INPP4B: variants seen among roughly 807,000 people sequenced by gnomAD.
INPP4B encodes the protein inositol polyphosphate-4-phosphatase type II B, also known as inositol polyphosphate 4-phosphatase type II.
In INPP4B, 55 loss-of-function variants were observed where a neutral mutation model predicts 122.5. The observed-to-expected ratio is 0.45, with a 90% CI of 0.36 to 0.56. The LOEUF (loss-of-function observed/expected upper bound fraction) is 0.56, where lower values mean the gene tolerates loss of function less well. INPP4B is among the 20% of genes least tolerant of loss of function. The pLI is 0.00. For missense variants in INPP4B, 1,000 were observed against 1,097.7 expected (o/e 0.91, Z 1.26); for synonymous variants, 403 against 388.7 (o/e 1.04, Z -0.43).
intron 1 of INPP4B, among the ~76,000 whole-genome samples, chr4:142,822,714 T>C (rs1042488970): frequency 2.0e-5 from 3 of 152,060 alleles, no homozygotes; most frequent in African/African-American, 7.2e-5. Flanking sequence ...CCAGACAAAA[T>C]ATATTGCCTT....
At chr4:142,587,895 T>C (rs1477647991) in intron 2 of INPP4B, among the ~76,000 whole-genome samples, 1 of 151,960 alleles carries the variant, frequency 6.6e-6, no homozygotes, top group African/African-American at 2.4e-5. Flanking sequence ...AGGTAAAGCA[T>C]AGACCAATAT....
At chr4:142,504,506 C>T (rs1823763222) in intron 2 of INPP4B, among the ~76,000 whole-genome samples, 1 of 152,018 alleles carries the variant, frequency 6.6e-6, no homozygotes, top group African/African-American at 2.4e-5. Flanking sequence ...AATAAAAGTC[C>T]TAGTGCATTA....
At chr4:142,588,109 A>G (rs1022495905) in intron 2 of INPP4B, among the ~76,000 whole-genome samples, 7 of 151,920 alleles carry the variant, frequency 4.6e-5, no homozygotes, top group African/African-American at 1.7e-4. Context: ...TATAAAATTC[A>G]ACATGTATTC....
chr4:142,627,176 T>C (rs953788825), intron 2 of INPP4B, among the ~76,000 whole-genome samples: 1 of 152,192 alleles, frequency 6.6e-6, no homozygotes, highest in Non-Finnish European at 1.5e-5. Flanking sequence ...TCTTTATAGA[T>C]ATACAATCAT....
At chr4:142,214,923 T>A (rs1049938222) in intron 12 of INPP4B, among the ~76,000 whole-genome samples, 1 of 152,240 alleles carries the variant, frequency 6.6e-6, no homozygotes, top group East Asian at 1.9e-4. Context: ...ATGTGTTATA[T>A]TACTTATTTT....
intron 9 of INPP4B, among the ~76,000 whole-genome samples, chr4:142,272,283 C>T (rs762738771): frequency 5.9e-5 from 9 of 151,806 alleles, no homozygotes; most frequent in South Asian, 4.2e-4. Flanking sequence ...TGAAAAGAAA[C>T]GCTGATTCTA....
At chr4:142,619,414 A>T (rs1007808665) in intron 2 of INPP4B, among the ~76,000 whole-genome samples, 1 of 152,124 alleles carries the variant, frequency 6.6e-6, no homozygotes, top group Admixed American at 6.6e-5. Context: ...CCTTTAAAAT[A>T]AAAGGCAATC....
intron 7 of INPP4B, among the ~76,000 whole-genome samples, chr4:142,355,369 T>G (rs1042794228): frequency 3.4e-4 from 52 of 152,130 alleles, no homozygotes; most frequent in Non-Finnish European, 6.6e-4. Context: ...GCTCTTTTTT[T>G]TCCCCCCACC....
At chr4:142,532,641 A>T (rs1329938137) in intron 2 of INPP4B, among the ~76,000 whole-genome samples, 5 of 152,196 alleles carry the variant, frequency 3.3e-5, no homozygotes, top group African/African-American at 1.2e-4. Context: ...GGACCTCAGT[A>T]ACTACTTGAT....
chr4:142,462,598 G>A (rs1200817416), intron 3 of INPP4B, 65 bp downstream of exon 3: 1 of 152,104 alleles, frequency 6.6e-6, no homozygotes, highest in Non-Finnish European at 1.5e-5. Flanking sequence ...TAATAAGCTC[G>A]AATTAATCAT....
intron 7 of INPP4B, among the ~76,000 whole-genome samples, chr4:142,357,491 C>T (rs1181164969): frequency 1.3e-5 from 2 of 151,992 alleles, no homozygotes; most frequent in East Asian, 3.9e-4. Flanking sequence ...CATATATTTA[C>T]ATGGCAATTC....
chr4:142,097,547 A>G (rs1782509118), intron 23 of INPP4B, among the ~76,000 whole-genome samples: 1 of 152,044 alleles, frequency 6.6e-6, no homozygotes, highest in Non-Finnish European at 1.5e-5. Flanking sequence ...GTGAGCCACC[A>G]TGCCTGGCCT....
intron 2 of INPP4B, among the ~76,000 whole-genome samples, chr4:142,616,212 T>C (rs1260518668): frequency 1.3e-5 from 2 of 152,150 alleles, no homozygotes; most frequent in African/African-American, 4.8e-5. Context: ...TCTATCTCAG[T>C]GTGGTGATGA....
intron 19 of INPP4B, among the ~76,000 whole-genome samples, chr4:142,123,724 T>C (rs1451731230): frequency 6.6e-6 from 1 of 152,120 alleles, no homozygotes; most frequent in East Asian, 1.9e-4. Flanking sequence ...CACTTCCAAA[T>C]CTTACTATTT....
At chr4:142,354,028 C>T (rs562430620) in intron 7 of INPP4B, among the ~76,000 whole-genome samples, 37 of 151,862 alleles carry the variant, frequency 2.4e-4, no homozygotes, top group African/African-American at 7.2e-4. Flanking sequence ...GACATAATGC[C>T]GTTCAAGGTC....
At chr4:142,268,404 A>G (rs996769064) in intron 10 of INPP4B, among the ~76,000 whole-genome samples, 1 of 150,166 alleles carries the variant, frequency 6.7e-6, no homozygotes, top group Admixed American at 6.7e-5. Context: ...ACCCTTATGC[A>G]CTGTTGAGAA....
At chr4:142,398,401 AATATATATATAT>A (rs1206023677) in intron 7 of INPP4B, among the ~76,000 whole-genome samples, 832 of 28,264 alleles carry the variant, frequency 0.029, 20 homozygotes, top group Admixed American at 0.067. Context: ...AAAAAAAAAA[AATATATATATAT>A]ATATATATAT....
chr4:142,144,222 TACACACACAC>T (rs35496129), intron 18 of INPP4B, among the ~76,000 whole-genome samples: 3,152 of 144,970 alleles, frequency 0.022, 80 homozygotes, highest in African/African-American at 0.063. Flanking sequence ...AAATACAAGA[TACACACACAC>T]ACACACACAC....
intron 2 of INPP4B, among the ~76,000 whole-genome samples, chr4:142,635,109 C>G (rs1422082679): frequency 6.6e-6 from 1 of 151,978 alleles, no homozygotes; most frequent in Non-Finnish European, 1.5e-5. Flanking sequence ...TGGAAAAAAG[C>G]TCAATATTAC....
Sources: gnomAD v4.1 joint callset for allele counts (sites outside exome capture counted in the v4.1 genomes callset) on GRCh38, gnomAD v4.1.1 for gene constraint, MANE v1.5 for transcripts, NCBI Gene and HGNC (gene_info 2026-07-23, HGNC 2026-07-21) for gene names.